The following RBFOX1 variants were observed in gnomAD, a reference collection of about 807,000 sequenced individuals.
The protein encoded by RBFOX1 is RNA binding protein fox-1 homolog 1.
In RBFOX1, 8 loss-of-function variants were observed where a neutral mutation model predicts 57.7. The ratio of observed to expected loss-of-function variants is 0.14; its 90% CI spans 0.08 to 0.25. The LOEUF is 0.25. Ranked by LOEUF, RBFOX1 falls within the 10% of genes least tolerant of loss-of-function variation. RBFOX1 has a pLI of 1.00. For missense variants in RBFOX1, 611 were observed against 548.5 expected (o/e 1.11, Z -1.14); for synonymous variants, 326 against 222.4 (o/e 1.47, Z -4.15).
chr16:7,704,631 G>A (rs934043157), intron 14 of RBFOX1, among the ~76,000 whole-genome samples: 1 of 152,184 alleles, frequency 6.6e-6, no homozygotes, highest in Non-Finnish European at 1.5e-5. Flanking sequence ...CACTGCCCCA[G>A]CCTCCATGGA....
chr16:7,534,221 G>C (rs1481387796), intron 5 of RBFOX1, among the ~76,000 whole-genome samples: 2 of 151,354 alleles, frequency 1.3e-5, no homozygotes, highest in African/African-American at 4.9e-5. Context: ...TGAATAGCTG[G>C]GATTACAGGC....
intron 4 of RBFOX1, among the ~76,000 whole-genome samples, chr16:7,106,851 TATTA>T (rs1247509586): frequency 6.6e-6 from 1 of 152,062 alleles, no homozygotes; most frequent in Non-Finnish European, 1.5e-5. Flanking sequence ...CAAAATAGTA[TATTA>T]ATTAATTCAT....
At chr16:7,624,225 T>C (rs2059738655) in intron 10 of RBFOX1, among the ~76,000 whole-genome samples, 1 of 152,238 alleles carries the variant, frequency 6.6e-6, no homozygotes, top group South Asian at 2.1e-4. Flanking sequence ...TTTTTCTTTA[T>C]GTAGAATCAA....
intron 11 of RBFOX1, among the ~76,000 whole-genome samples, chr16:7,645,669 T>C (rs915617583): frequency 1.3e-5 from 2 of 152,234 alleles, no homozygotes; most frequent in Non-Finnish European, 2.9e-5. Context: ...ATTAGACTTG[T>C]ACATTAATTA....
intron 2 of RBFOX1, among the ~76,000 whole-genome samples, chr16:6,395,990 C>T (rs6500779): frequency 0.29 from 41,500 of 144,066 alleles, 6,022 homozygotes; most frequent in African/African-American, 0.37. Flanking sequence ...TACTTGAATC[C>T]GGGAGGTGGA....
At chr16:5,447,517 C>G (rs1034828980) in intron 1 of RBFOX1, among the ~76,000 whole-genome samples, 1 of 152,116 alleles carries the variant, frequency 6.6e-6, no homozygotes, top group Non-Finnish European at 1.5e-5. Flanking sequence ...CCTGCCTCAG[C>G]CTCCCGAATA....
intron 3 of RBFOX1, among the ~76,000 whole-genome samples, chr16:6,926,700 C>G (rs1289798424): frequency 1.3e-5 from 2 of 152,104 alleles, no homozygotes; most frequent in African/African-American, 4.8e-5. Context: ...CTACTTAGCT[C>G]TTCTTCCCGT....
intron 13 of RBFOX1, among the ~76,000 whole-genome samples, chr16:7,666,267 A>C (rs564758005): frequency 6.6e-6 from 1 of 152,252 alleles, no homozygotes; most frequent in African/African-American, 2.4e-5. Context: ...GAGGAGCCAG[A>C]ATGGTAGTTG....
At chr16:6,233,372 C>G (rs995191271) in intron 1 of RBFOX1, among the ~76,000 whole-genome samples, 2 of 152,162 alleles carry the variant, frequency 1.3e-5, no homozygotes, top group Admixed American at 6.5e-5. Context: ...ACCATCTCCC[C>G]CGGGTGGTTG....
At chr16:5,868,043 A>G (rs976938042) in intron 4 of RBFOX1, among the ~76,000 whole-genome samples, 13 of 152,172 alleles carry the variant, frequency 8.5e-5, no homozygotes, top group African/African-American at 3.1e-4. Context: ...TCTCCAAGGC[A>G]TGAAAGGAAT....
Position 5,269,147 on chromosome 16 carries a change from C to T in RBFOX1, c.219+29042C>T, listed in dbSNP as rs529583349. Among the ~76,000 whole-genome samples, 29 of 79,054 alleles carry T rather than the reference C, an allele frequency of 3.7e-4. No individual in the cohort carries two copies. In the South Asian group the frequency reaches 0.013, roughly 36 times the overall value. The allele number at this position is 79,054 out of a possible 152,430, so 51.9% of individuals were successfully genotyped here. A position where few individuals can be genotyped will look rare whatever the true frequency, so the allele number is the denominator to read the frequency against. ...GGCCAGGCTGGTCTCAAACTCCTGG[C>T]CTCAGGTGATACACCCACCTTGGTC... On this transcript the variant is annotated intron_variant, in intron 1 of 2. Coordinates refer to the RBFOX1 transcript ENST00000585867.
chr16:6,783,984 G>T lies in RBFOX1; in HGVS notation c.-16+129334G>T, dbSNP rs189101610. ...ATCCCACTCCCTCATGGCCTATAAG[G>T]TTTCTGCTGAGAAGTCTGCTGACAA... On this transcript the variant is annotated intron_variant, in intron 3 of 15. Transcript: ENST00000550418. Among the ~76,000 whole-genome samples, 610 of 152,206 alleles carry T rather than the reference G, an allele frequency of 4.0e-3. 4 individuals are homozygous for T. Among genetic ancestry groups the T allele is most frequent in the Middle Eastern group, 0.01 (3 of 294 alleles).
At chr16:7,425,307 G>T (rs954872126) in intron 4 of RBFOX1, among the ~76,000 whole-genome samples, 4 of 152,110 alleles carry the variant, frequency 2.6e-5, no homozygotes, top group Non-Finnish European at 5.9e-5. Flanking sequence ...TTATAAACCC[G>T]CAAGGGGTCT....
chr16:5,890,632 G>A (rs112639547), intron 4 of RBFOX1, among the ~76,000 whole-genome samples: 10,058 of 142,184 alleles, frequency 0.071, 426 homozygotes, highest in African/African-American at 0.12. Context: ...AGGAGGTGGA[G>A]ATTGCAGTGA....
At chr16:5,439,747 A>C (rs926030778) in intron 1 of RBFOX1, among the ~76,000 whole-genome samples, 1 of 152,112 alleles carries the variant, frequency 6.6e-6, no homozygotes, top group African/African-American at 2.4e-5. Flanking sequence ...CCTGGCCAGG[A>C]AAGAGGTTTA....
chr16:6,892,773 TCC>T (rs1236627848), intron 3 of RBFOX1, among the ~76,000 whole-genome samples: 3,865 of 62,972 alleles, frequency 0.061, 390 homozygotes, highest in East Asian at 0.17. Context: ...CCTCCCTGTC[TCC>T]CTCTCTCTCT....
At chr16:7,114,411 AC>A (rs1315775453) in intron 4 of RBFOX1, among the ~76,000 whole-genome samples, 1 of 152,166 alleles carries the variant, frequency 6.6e-6, no homozygotes, top group Non-Finnish European at 1.5e-5. Context: ...TGCTCACTGT[AC>A]CCTTTAATAA....
chr16:6,545,439 C>A (rs367672071), intron 2 of RBFOX1, among the ~76,000 whole-genome samples: 2 of 152,170 alleles, frequency 1.3e-5, no homozygotes, highest in Non-Finnish European at 2.9e-5. Context: ...CTTTCAACAC[C>A]CTGTCCTCCA....
chr16:7,162,331 A>G (rs191325440), intron 4 of RBFOX1, among the ~76,000 whole-genome samples: 95 of 152,256 alleles, frequency 6.2e-4, no homozygotes, highest in Non-Finnish European at 9.8e-4. Context: ...GTATATATCT[A>G]TTTGGCGAAA....
Sources: gnomAD v4.1 joint callset for allele counts (sites outside exome capture counted in the v4.1 genomes callset) on GRCh38, gnomAD v4.1.1 for gene constraint, MANE v1.5 for transcripts, NCBI Gene and HGNC (gene_info 2026-07-23, HGNC 2026-07-21) for gene names.